UBE2H: variants seen among roughly 807,000 people sequenced by gnomAD.
The protein encoded by UBE2H is ubiquitin-conjugating enzyme E2 H.
UBE2H carries 3 observed loss-of-function variants against 29.0 expected under a neutral mutation model. The ratio of observed to expected loss-of-function variants is 0.10; its 90% CI spans 0.05 to 0.27. The LOEUF is 0.27. Ranked by LOEUF, UBE2H falls within the 10% of genes least tolerant of loss-of-function variation. The pLI is 1.00. For missense variants in UBE2H, 68 were observed against 228.2 expected, an observed-to-expected ratio of 0.30 and a Z score of 4.52; for synonymous variants, 69 against 82.9, an observed-to-expected ratio of 0.83 and a Z score of 0.91.
Position 129,831,018 on chromosome 7 carries a change from A to G in UBE2H, c.*3919T>C, listed in dbSNP as rs1805215907. 1 of 152,010 alleles carries G rather than the reference A, an allele frequency of 6.6e-6. No individual in the cohort carries two copies. The highest frequency in any genetic ancestry group is 1.5e-5 in the Non-Finnish European group (1 of 68,002). 9.4% of individuals were successfully genotyped at this position (152,010 alleles called of 1,614,324 possible). The stretch of plus-strand genomic sequence containing the variant: ...ATAATGGCCATTTCTTCCCAAGCCC[A>G]CAGCCAAGATGAGTGTTAGGCTAAA... On this transcript the variant is annotated 3_prime_UTR_variant, in exon 7 of 7. Transcript: ENST00000355621.
At chr7:129,950,515 G>A (rs1011946895) in intron 1 of UBE2H, among the ~76,000 whole-genome samples, 6 of 151,806 alleles carry the variant, frequency 4.0e-5, no homozygotes, top group Non-Finnish European at 8.8e-5. Context: ...TGAACAAAAG[G>A]CACTGTATGG....
At chr7:129,894,133 A>G (rs1393895959) in intron 1 of UBE2H, among the ~76,000 whole-genome samples, 1 of 152,082 alleles carries the variant, frequency 6.6e-6, no homozygotes, top group African/African-American at 2.4e-5. Flanking sequence ...CCAGTCTGGC[A>G]ACAGAGACTC....
At chr7:129,941,854 T>C (rs1416925270) in intron 1 of UBE2H, among the ~76,000 whole-genome samples, 1 of 152,060 alleles carries the variant, frequency 6.6e-6, no homozygotes, top group Non-Finnish European at 1.5e-5. Flanking sequence ...TATGGCAGTG[T>C]CCAATAACCT....
At chr7:129,860,436 A>C (rs1710417708) in intron 3 of UBE2H, among the ~76,000 whole-genome samples, 2 of 152,266 alleles carry the variant, frequency 1.3e-5, no homozygotes, top group African/African-American at 4.8e-5. Context: ...AGACATTTTA[A>C]TAATGGGAAA....
chr7:129,940,207 T>C (rs1246969247), intron 1 of UBE2H, among the ~76,000 whole-genome samples: 1 of 152,102 alleles, frequency 6.6e-6, no homozygotes, highest in Non-Finnish European at 1.5e-5. Flanking sequence ...TGAAAAAAAG[T>C]TGCCTAATAC....
intron 1 of UBE2H, among the ~76,000 whole-genome samples, chr7:129,915,986 G>A (rs1229235558): frequency 1.3e-5 from 2 of 152,166 alleles, no homozygotes; most frequent in Non-Finnish European, 2.9e-5. Flanking sequence ...TAGCTAAAAT[G>A]TACATTTCAT....
chr7:129,948,320 C>T (rs1383664970), intron 1 of UBE2H, among the ~76,000 whole-genome samples: 1 of 152,158 alleles, frequency 6.6e-6, no homozygotes, highest in African/African-American at 2.4e-5. Context: ...CACACTTGGC[C>T]ACATCTGAGG....
chr7:129,945,268 T>A (rs753098466), intron 1 of UBE2H, among the ~76,000 whole-genome samples: 9 of 152,210 alleles, frequency 5.9e-5, no homozygotes, highest in Non-Finnish European at 1.2e-4. Flanking sequence ...ATGTCAATTA[T>A]ACCTCAATAA....
Position 129,890,389 on chromosome 7 carries a change from T to A in UBE2H, c.54-9418A>T, listed in dbSNP as rs181049399. 8.1e-4 allele frequency among the ~76,000 whole-genome samples: 123 copies of A among 151,400 alleles called. 1 individual carries two copies. The highest frequency in any genetic ancestry group is 2.5e-3 in the South Asian group (12 of 4,768). On this transcript the variant is annotated intron_variant, in intron 1 of 6. Coordinates refer to ENST00000355621, the MANE Select transcript of UBE2H (RefSeq NM_003344.4). ...TATATACACACACTTATATATATAT[T>A]TTTTTTAAAGATGGAGTTTTGCTCT...
At chr7:129,944,715 A>AACAC (rs57825154) in intron 1 of UBE2H, among the ~76,000 whole-genome samples, 20,412 of 143,742 alleles carry the variant, frequency 0.14, 1,556 homozygotes, top group East Asian at 0.2. Context: ...ATGCGCTCAA[A>AACAC]ACACACACAC....
intron 1 of UBE2H, among the ~76,000 whole-genome samples, chr7:129,889,004 G>A (rs933226699): frequency 6.6e-6 from 1 of 152,178 alleles, no homozygotes; most frequent in Non-Finnish European, 1.5e-5. Context: ...TGTCGAGGTG[G>A]GAGAAGGAAT....
intron 1 of UBE2H, among the ~76,000 whole-genome samples, chr7:129,892,547 C>T (rs1179094282): frequency 2.0e-5 from 3 of 152,180 alleles, no homozygotes; most frequent in South Asian, 2.1e-4. Context: ...CCACCGCATC[C>T]AGCCAACTAC....
intron 1 of UBE2H, among the ~76,000 whole-genome samples, chr7:129,907,007 AGTCTCTAC>A (rs1806831673): frequency 6.6e-6 from 1 of 152,212 alleles, no homozygotes; most frequent in South Asian, 2.1e-4. Flanking sequence ...CCAAACCTTC[AGTCTCTAC>A]GTCAATGGTA....
At chr7:129,858,077 T>C (rs984303927) in intron 4 of UBE2H, among the ~76,000 whole-genome samples, 29 of 152,174 alleles carry the variant, frequency 1.9e-4, no homozygotes, top group African/African-American at 6.5e-4. Flanking sequence ...CTAAATGTAA[T>C]GTGTGATTCT....
intron 3 of UBE2H, among the ~76,000 whole-genome samples, chr7:129,859,383 G>A (rs79601976): frequency 0.064 from 9,685 of 152,226 alleles, 366 homozygotes; most frequent in Non-Finnish European, 0.091. Context: ...TCACTTGGCT[G>A]CACTGTGCAC....
intron 1 of UBE2H, among the ~76,000 whole-genome samples, chr7:129,885,423 G>T (rs1174900821): frequency 6.6e-6 from 1 of 152,156 alleles, no homozygotes; most frequent in African/African-American, 2.4e-5. Context: ...TTGTCCTTGT[G>T]GATGTTGCTT....
chr7:129,862,466 G>C (rs1467695651), intron 3 of UBE2H, among the ~76,000 whole-genome samples: 5 of 152,184 alleles, frequency 3.3e-5, no homozygotes, highest in Non-Finnish European at 7.3e-5. Context: ...ACATTAGAAG[G>C]TCACCAGCAT....
chr7:129,864,911 C>G (rs1042967908), intron 3 of UBE2H: 14 of 234,930 alleles, frequency 6.0e-5, no homozygotes, highest in Non-Finnish European at 9.9e-5. Flanking sequence ...AATCAGAACT[C>G]CTTAAGTTTT....
At chr7:129,864,258 CAG>C (rs1213889781) in intron 3 of UBE2H, among the ~76,000 whole-genome samples, 2 of 152,130 alleles carry the variant, frequency 1.3e-5, no homozygotes, top group Non-Finnish European at 2.9e-5. Context: ...AGGGGGGAGA[CAG>C]AGAAAGAACG....
Sources: gnomAD v4.1 joint callset for allele counts (sites outside exome capture counted in the v4.1 genomes callset) on GRCh38, gnomAD v4.1.1 for gene constraint, MANE v1.5 for transcripts, NCBI Gene and HGNC (gene_info 2026-07-23, HGNC 2026-07-21) for gene names.